The following ABCA12 variants were observed in gnomAD, a reference collection of about 807,000 sequenced individuals.
The protein encoded by ABCA12 is ATP binding cassette subfamily A member 12, also known as glucosylceramide transporter ABCA12.
ABCA12 carries 156 observed loss-of-function variants against 293.5 expected under a neutral mutation model. That is an observed-to-expected ratio of 0.53 (90% CI 0.47 to 0.61). ABCA12 has a LOEUF of 0.61. Among genes scored for constraint, ABCA12 ranks in the 20% least tolerant of loss-of-function variants. The pLI is 0.00. For missense variants in ABCA12, 2,797 were observed against 3,090.2 expected, an observed-to-expected ratio of 0.91 and a Z score of 2.25; for synonymous variants, 1,063 against 1,108.0, an observed-to-expected ratio of 0.96 and a Z score of 0.81.
At chr2:215,081,557 A>G (rs553321954) in intron 2 of ABCA12, among the ~76,000 whole-genome samples, 3 of 152,038 alleles carry the variant, frequency 2.0e-5, no homozygotes, top group African/African-American at 4.8e-5. Context: ...AAACAAAAAA[A>G]TGGGGGAAGG....
chr2:214,956,125 T>G (rs1343983027), intron 42 of ABCA12, among the ~76,000 whole-genome samples: 1 of 152,204 alleles, frequency 6.6e-6, no homozygotes, highest in African/African-American at 2.4e-5. Flanking sequence ...CTACAATTGC[T>G]AATTAAGGGT....
At chr2:215,065,308 A>T (rs1701620364) in intron 2 of ABCA12, among the ~76,000 whole-genome samples, 2 of 148,640 alleles carry the variant, frequency 1.3e-5, no homozygotes, top group African/African-American at 4.9e-5. Context: ...AAAAAAAAAA[A>T]AAAAAAAAAA....
At chr2:214,943,072 A>C (rs1698458251) in intron 49 of ABCA12, 55 bp from the exon 50 acceptor site, 1 of 1,368,748 alleles carries the variant, frequency 7.3e-7, no homozygotes, top group African/African-American at 1.4e-5. Flanking sequence ...ACTTGGGTTG[A>C]AGTTCATGAG....
Position 214,955,209 on chromosome 2 carries a change from T to C in ABCA12, c.6386A>G (p.Asn2129Ser), listed in dbSNP as rs1376967207. The C allele has an allele frequency of 1.9e-6, 3 of 1,613,960 alleles. No individual in the cohort carries two copies. The highest frequency in any genetic ancestry group is 2.5e-6 in the Non-Finnish European group (3 of 1,179,974). ...VVYFLSKEKP[N>S]DPTLELISET... ...TGAAATAAGGGACCTTACCGGATCA[T>C]TAGGCTTTTCCTTGGAAAGAAAGTA... The change falls in exon 43 of 53, where the codon AAT (asparagine) becomes AGT (serine). Residue 2129 changes from asparagine (N) to serine (S), a missense_variant. Physicochemically the swap from Asn to Ser is conservative, Grantham distance 46. Around this residue, in one of 3 missense-constraint regions of ABCA12, gnomAD observed 2,130 missense variants for 2,427.0 expected, o/e 0.88. Coordinates refer to ENST00000272895, the MANE Select transcript of ABCA12 (RefSeq NM_173076.3).
intron 49 of ABCA12, 128 bp downstream of exon 49, chr2:214,944,873 G>GTATATA (rs10633768): frequency 9.6e-6 from 6 of 622,872 alleles, no homozygotes; most frequent in Admixed American, 2.5e-5. Flanking sequence ...TTGTATGTGT[G>GTATATA]TATATATATA....
intron 8 of ABCA12, among the ~76,000 whole-genome samples, chr2:215,036,675 G>A (rs760315204): frequency 6.6e-6 from 1 of 151,964 alleles, no homozygotes; most frequent in African/African-American, 2.4e-5. Flanking sequence ...CATAGTCCCT[G>A]ATTTTTTTTT....
At position 215,012,486 on chromosome 2, in the gene ABCA12, T is replaced by C. The variant is rs537907137; in HGVS notation, c.1957-351A>G. On this transcript the variant is annotated intron_variant, in intron 15 of 52. Coordinates refer to ENST00000272895, the MANE Select transcript of ABCA12 (RefSeq NM_173076.3). ...AATACTGATACATGTACAATATGTA[T>C]GAAACAAAAAAAATTATATTAAGTG... is the stretch of plus-strand genomic sequence containing the variant. Among the ~76,000 whole-genome samples the C allele has an allele frequency of 2.0e-5, 3 of 152,240 alleles. No individual in the cohort carries two copies. In the South Asian group the frequency reaches 6.2e-4, roughly 32 times the overall value.
At chr2:215,048,629 G>A (rs1701253216) in intron 6 of ABCA12, among the ~76,000 whole-genome samples, 1 of 152,122 alleles carries the variant, frequency 6.6e-6, no homozygotes, top group Admixed American at 6.6e-5. Context: ...CTTGAACCCA[G>A]GAGGCGGAGG....
intron 24 of ABCA12, 36 bp downstream of exon 24, chr2:214,990,666 T>C: frequency 6.2e-7 from 1 of 1,601,174 alleles, no homozygotes; most frequent in Non-Finnish European, 8.6e-7. Flanking sequence ...CAAAAATGGG[T>C]AATTTCCCAC....
At chr2:214,968,060 T>C (rs545673765) in intron 38 of ABCA12, among the ~76,000 whole-genome samples, 3 of 152,178 alleles carry the variant, frequency 2.0e-5, no homozygotes, top group African/African-American at 7.2e-5. Flanking sequence ...GCTAAACATA[T>C]ACATTTTCAT....
chr2:215,013,084 C>G (rs957522560), intron 15 of ABCA12: 3 of 151,994 alleles, frequency 2.0e-5, no homozygotes, highest in African/African-American at 7.3e-5. Context: ...TGCTGTGTTC[C>G]CAGCACTGGG....
chr2:215,021,785 C>T (rs112009004), intron 11 of ABCA12, among the ~76,000 whole-genome samples: 12 of 1,092 alleles, frequency 0.011, no homozygotes, highest in Admixed American at 0.029. Context: ...TATAACTACA[C>T]GTAGTTATAG....
At chr2:215,026,191 G>T (rs1700740958) in intron 10 of ABCA12, among the ~76,000 whole-genome samples, 1 of 152,084 alleles carries the variant, frequency 6.6e-6, no homozygotes, top group South Asian at 2.1e-4. Context: ...TATTTGTTGT[G>T]CTATTTGCTT....
intron 35 of ABCA12, 151 bp from the exon 36 acceptor site, chr2:214,974,193 C>T (rs1699455321): frequency 1.3e-6 from 1 of 744,944 alleles, no homozygotes; most frequent in African/African-American, 1.7e-5. Flanking sequence ...GTACATTGCT[C>T]CACCATTTCC....
intron 49 of ABCA12, 111 bp downstream of exon 49, chr2:214,944,890 C>A: frequency 1.3e-6 from 1 of 764,234 alleles, no homozygotes; most frequent in Non-Finnish European, 2.2e-6. Context: ...TATATATACA[C>A]ACACATATAT....
At chr2:215,011,712 C>A (rs1411980729) in intron 16 of ABCA12, 63 bp from the exon 17 acceptor site, 1 of 1,491,004 alleles carries the variant, frequency 6.7e-7, no homozygotes, top group African/African-American at 1.4e-5. Context: ...CTGAAAACAA[C>A]AGAGAAAGAG....
chr2:215,043,821 T>C (rs1701150253), intron 7 of ABCA12, among the ~76,000 whole-genome samples: 1 of 152,106 alleles, frequency 6.6e-6, no homozygotes, highest in Non-Finnish European at 1.5e-5. Flanking sequence ...ATTTTTCTCA[T>C]GCAATTGCTC....
rs542068494 is a variant in ABCA12, at chr2:214,960,823, T to A, written c.5885-1745A>T. On this transcript the variant is annotated intron_variant, in intron 39 of 52. Transcript: ENST00000272895. Reference sequence around the variant, plus strand: ...AAAGAGCCTAGTTGTATAACATTTGTTAAGGAAAACAAGCAAACCTGTATT... The same window carrying A: ...AAAGAGCCTAGTTGTATAACATTTGATAAGGAAAACAAGCAAACCTGTATT... 2.6e-5 allele frequency among the ~76,000 whole-genome samples: 4 copies of A among 152,154 alleles called. No homozygotes were observed. The East Asian group carries it at 7.7e-4, about 29-fold the overall frequency.
chr2:214,976,016 T>C lies in ABCA12; in HGVS notation c.5150A>G (p.Glu1717Gly). ...CAACAGTCCAAAGCCATCCAGCCTC[T>C]CTCCTCTTGTCAGGATTTTGTCTGA... is the stretch of plus-strand genomic sequence containing the variant. ...DRDDKILTRGERLDGFGLLLK... is the reference protein window; with the variant it reads ...DRDDKILTRGGRLDGFGLLLK... Residue 1717 changes from glutamate (E) to glycine (G), a missense_variant, in exon 34 of 53, where the codon GAG (glutamate) becomes GGG (glycine). Glu to Gly is a moderately conservative substitution (Grantham distance 98, BLOSUM62 -2). Around this residue, in one of 3 missense-constraint regions of ABCA12, gnomAD observed 2,130 missense variants for 2,427.0 expected, o/e 0.88. Coordinates refer to ENST00000272895, the MANE Select transcript of ABCA12 (RefSeq NM_173076.3). The C allele has an allele frequency of 2.5e-6, 4 of 1,614,012 alleles. No individual in the cohort carries two copies. Among genetic ancestry groups the C allele is most frequent in the Non-Finnish European group, 3.4e-6 (4 of 1,179,964 alleles).
Sources: gnomAD v4.1 joint callset for allele counts (sites outside exome capture counted in the v4.1 genomes callset) on GRCh38, gnomAD v4.1.1 for gene constraint, gnomAD v4.1.1 regional missense constraint, MANE v1.5 for transcripts, NCBI Gene and HGNC (gene_info 2026-07-23, HGNC 2026-07-21) for gene names.